PIBF1: variants seen among roughly 807,000 people sequenced by gnomAD.
PIBF1 encodes progesterone-induced-blocking factor 1.
Under a neutral mutation model 112.5 loss-of-function variants are expected in PIBF1, and 90 were observed. That is an observed-to-expected ratio of 0.80 (90% CI 0.67 to 0.95). The LOEUF (loss-of-function observed/expected upper bound fraction) is 0.95. Ranked by LOEUF, PIBF1 falls within the 40% of genes least tolerant of loss-of-function variation. PIBF1 has a pLI of 0.00. For synonymous variants in PIBF1, 301 were observed against 288.6 expected, an observed-to-expected ratio of 1.04 and a Z score of -0.44; for missense variants, 915 against 852.3, an observed-to-expected ratio of 1.07 and a Z score of -0.92.
intron 13 of PIBF1, among the ~76,000 whole-genome samples, chr13:72,928,627 A>G (rs898424101): frequency 6.6e-6 from 1 of 152,018 alleles, no homozygotes; most frequent in African/African-American, 2.4e-5. Flanking sequence ...TTTAGTAGAG[A>G]CAGGGTTTCA....
chr13:72,931,823 G>C (rs528783443), intron 14 of PIBF1, among the ~76,000 whole-genome samples: 68 of 147,394 alleles, frequency 4.6e-4, no homozygotes, highest in African/African-American at 1.6e-3. Flanking sequence ...TGAAATGCGA[G>C]TCATAAAACA....
At position 73,005,941 on chromosome 13, in the gene PIBF1, A is replaced by G. The variant is rs573282741; in HGVS notation, c.2223+6946A>G. ...TCACTTTTTTTTTTTTTTTTTTGAAATGGAGTCTTGCTCTGTCGCCCAGGC... is the reference window on the plus strand; with the variant it reads ...TCACTTTTTTTTTTTTTTTTTTGAAGTGGAGTCTTGCTCTGTCGCCCAGGC... On this transcript the variant is annotated intron_variant, in intron 17 of 17. Coordinates refer to ENST00000326291, the MANE Select transcript of PIBF1 (RefSeq NM_006346.4). 1.6e-3 allele frequency among the ~76,000 whole-genome samples: 224 copies of G among 143,644 alleles called. 1 individual carries two copies. The highest frequency in any genetic ancestry group is 5.6e-3 in the African/African-American group (217 of 38,756). 94.2% of individuals were successfully genotyped at this position (143,644 alleles called of 152,430 possible).
At chr13:72,885,133 T>TG (rs1017294192) in intron 10 of PIBF1, among the ~76,000 whole-genome samples, 15 of 152,308 alleles carry the variant, frequency 9.8e-5, no homozygotes, top group African/African-American at 3.4e-4. Flanking sequence ...ATTTCTTTTT[T>TG]GTAAGTATTT....
rs1257974691 is a variant in PIBF1 at position 72,797,895 on chromosome 13, A to AT, written c.553-5dup. 18 of 1,575,300 alleles carry AT rather than the reference A, an allele frequency of 1.1e-5. No homozygotes were observed. Among genetic ancestry groups the AT allele is most frequent in the Non-Finnish European group, 1.5e-5 (18 of 1,165,772 alleles). ...GGATTTAAGACTGCTTATTAATTTA[A>AT]TTTTTTTCAAGGTTCGCTTCTATGA... On this transcript the variant is annotated splice_polypyrimidine_tract_variant and intron_variant, in intron 4 of 17. Transcript: ENST00000326291.
chr13:72,826,989 C>G (rs372882072), intron 6 of PIBF1, 21 bp from the exon 7 acceptor site: 21 of 1,469,678 alleles, frequency 1.4e-5, no homozygotes, highest in East Asian at 1.2e-4. Context: ...TTACATGTCT[C>G]TTTGAATTTT....
At chr13:72,827,227 C>CA in intron 7 of PIBF1, 109 bp downstream of exon 7, 1 of 391,314 alleles carries the variant, frequency 2.6e-6, no homozygotes, top group Non-Finnish European at 4.6e-6. Context: ...TAGTTCCTCC[C>CA]AAAAAGATAA....
At chr13:72,986,629 A>G (rs1196816680) in intron 16 of PIBF1, among the ~76,000 whole-genome samples, 1 of 151,326 alleles carries the variant, frequency 6.6e-6, no homozygotes, top group African/African-American at 2.4e-5. Context: ...GCTCTCACTA[A>G]GCCTTCAGTC....
intron 10 of PIBF1, 88 bp downstream of exon 10, chr13:72,854,243 ATAATTTTCATTTCAATTGAGGAGAGAC>A (rs2038309453): frequency 1.3e-6 from 1 of 795,746 alleles, no homozygotes; most frequent in East Asian, 2.7e-5. Flanking sequence ...TAAGGAGAGA[ATAATTTTCATTTCAATTGAGGAGAGAC>A]TAATTTTCAT....
chr13:73,000,791 T>C (rs1277459030), intron 17 of PIBF1, among the ~76,000 whole-genome samples: 1 of 152,198 alleles, frequency 6.6e-6, no homozygotes, highest in Admixed American at 6.6e-5. Context: ...TTTTCTGGAA[T>C]ACCGGCTATA....
intron 5 of PIBF1, among the ~76,000 whole-genome samples, chr13:72,814,188 A>G (rs1474348715): frequency 6.6e-6 from 1 of 152,248 alleles, no homozygotes; most frequent in East Asian, 1.9e-4. Context: ...CTGTAATCCC[A>G]GCGCTCTAGG....
At chr13:72,906,379 G>A (rs1210933178) in intron 11 of PIBF1, among the ~76,000 whole-genome samples, 2 of 152,046 alleles carry the variant, frequency 1.3e-5, no homozygotes, top group African/African-American at 4.8e-5. Flanking sequence ...ATTTTACTGT[G>A]AGAACTTTAT....
At chr13:72,836,340 A>G (rs1256247167) in intron 9 of PIBF1, among the ~76,000 whole-genome samples, 1 of 152,164 alleles carries the variant, frequency 6.6e-6, no homozygotes, top group Non-Finnish European at 1.5e-5. Context: ...TGATTTGCTT[A>G]TATGATATTT....
intron 8 of PIBF1, among the ~76,000 whole-genome samples, chr13:72,829,261 G>A (rs1047431936): frequency 6.6e-6 from 1 of 152,118 alleles, no homozygotes; most frequent in Non-Finnish European, 1.5e-5. Flanking sequence ...TTCTTTTGCT[G>A]TGCAGAAGCT....
At chr13:72,816,497 T>C (rs2036280867) in intron 5 of PIBF1, among the ~76,000 whole-genome samples, 1 of 151,904 alleles carries the variant, frequency 6.6e-6, no homozygotes, top group African/African-American at 2.4e-5. Context: ...ACCCTTTCTC[T>C]ACTAAAATAC....
chr13:72,889,232 T>G lies in PIBF1; in HGVS notation c.1323-4552T>G, dbSNP rs60158849. Among the ~76,000 whole-genome samples the G allele has an allele frequency of 1.8e-3, 278 of 152,314 alleles. 1 individual carries two copies. Among genetic ancestry groups the G allele is most frequent in the African/African-American group, 6.1e-3 (255 of 41,574 alleles). On this transcript the variant is annotated intron_variant, in intron 10 of 17. Transcript: ENST00000326291. ...AAGCAAGATTGAATTCTCAGTTGACTAGACACATCAGCTTCTGTCCTTGTC... is the reference window on the plus strand; with the variant it reads ...AAGCAAGATTGAATTCTCAGTTGACGAGACACATCAGCTTCTGTCCTTGTC...
intron 11 of PIBF1, among the ~76,000 whole-genome samples, 164 bp downstream of exon 11, chr13:72,894,113 GAA>G (rs1566415516): frequency 1.4e-5 from 2 of 142,530 alleles, no homozygotes; most frequent in Non-Finnish European, 3.0e-5. Context: ...GATGTATACT[GAA>G]AAGGACTAGA....
chr13:72,918,089 C>T (rs988836958), intron 13 of PIBF1, among the ~76,000 whole-genome samples: 9 of 152,104 alleles, frequency 5.9e-5, no homozygotes, highest in African/African-American at 1.9e-4. Flanking sequence ...CTCTCTTGCA[C>T]GAAAATTTAT....
chr13:72,998,217 C>T (rs1256109936), intron 16 of PIBF1, among the ~76,000 whole-genome samples: 1 of 152,132 alleles, frequency 6.6e-6, no homozygotes, highest in African/African-American at 2.4e-5. Context: ...GTCTACTCAG[C>T]GAATATATGT....
chr13:72,814,062 A>AT (rs1365371218), intron 5 of PIBF1, among the ~76,000 whole-genome samples: 53 of 152,216 alleles, frequency 3.5e-4, no homozygotes, highest in Admixed American at 3.5e-3. Context: ...TGTTCTGTTA[A>AT]AAGAAAGACT....
Sources: allele counts gnomAD v4.1 joint callset (sites outside exome capture counted in the v4.1 genomes callset), GRCh38; gene constraint gnomAD v4.1.1; transcripts MANE v1.5; gene names NCBI Gene and HGNC (gene_info 2026-07-23, HGNC 2026-07-21).